ZFHX4: variants seen among roughly 807,000 people sequenced by gnomAD.
The protein encoded by ZFHX4 is zinc finger homeobox protein 4.
Under a neutral mutation model 267.6 loss-of-function variants are expected in ZFHX4, and 56 were observed. The ratio of observed to expected loss-of-function variants is 0.21; its 90% CI spans 0.17 to 0.26. The LOEUF (loss-of-function observed/expected upper bound fraction) is 0.26, where lower values mean the gene tolerates loss of function less well. Ranked by LOEUF, ZFHX4 falls within the 10% of genes least tolerant of loss-of-function variation. The probability of loss-of-function intolerance (pLI) is 1.00; values close to 1 mark genes in which losing one functional copy is unlikely to be tolerated. For synonymous variants in ZFHX4, 1,778 were observed against 1,665.6 expected (o/e 1.07, Z -1.64); for missense variants, 4,332 against 4,420.0 (o/e 0.98, Z 0.56).
rs1214712437 is a variant in ZFHX4, at chr8:76,854,170, G to A, written c.7249G>A (p.Asp2417Asn). 6.3e-7 allele frequency: 1 copy of A among 1,592,266 alleles called. No individual in the cohort carries two copies. The highest frequency in any genetic ancestry group is 1.7e-4 in the Middle Eastern group (1 of 6,036). ...EYPAEKPKQSDPSPPSQGTKP... is the reference protein window; with the variant it reads ...EYPAEKPKQSNPSPPSQGTKP... ...TCCCGCAGAAAAGCCAAAGCAGAGT[G>A]ACCCCTCTCCCCCTTCTCAAGGCAC... The change falls in exon 10 of 11, where the codon GAC (aspartate) becomes AAC (asparagine). Residue 2417 changes from aspartate to asparagine, a missense_variant. Asp to Asn is a conservative substitution (Grantham distance 23). Around this residue, in one of 7 missense-constraint regions of ZFHX4, gnomAD observed 1,648 missense variants for 1,625.0 expected, o/e 1.01. Transcript: ENST00000651372.
chr8:76,707,250 C>G (rs1295345667), intron 2 of ZFHX4, among the ~76,000 whole-genome samples: 2 of 152,140 alleles, frequency 1.3e-5, no homozygotes, highest in East Asian at 3.9e-4. Context: ...TATCTAGGCT[C>G]TTAAATTGAA....
At chr8:76,722,701 C>G (rs997990535) in intron 3 of ZFHX4, among the ~76,000 whole-genome samples, 1 of 150,610 alleles carries the variant, frequency 6.6e-6, no homozygotes, top group Admixed American at 6.6e-5. Context: ...AATTGAGGTG[C>G]AAAAATAGCT....
Position 76,842,679 on chromosome 8 carries a change from G to A in ZFHX4, c.3419G>A (p.Gly1140Glu). 1 of 1,552,840 alleles carries A rather than the reference G, an allele frequency of 6.4e-7. No homozygotes were observed. The highest frequency in any genetic ancestry group is 8.7e-7 in the Non-Finnish European group (1 of 1,147,664). ...GAAGAACAAAGTGAGGAGGCAGAAGGAGCTATTAAGCCTACAGCAGTGGCC... is the reference window on the plus strand; with the variant it reads ...GAAGAACAAAGTGAGGAGGCAGAAGAAGCTATTAAGCCTACAGCAGTGGCC... ...TSEEQSEEAE[G>E]AIKPTAVAED... Residue 1140 changes from glycine (G) to glutamate (E), a missense_variant, in exon 6 of 11, where the codon GGA (glycine) becomes GAA (glutamate). This residue lies in a region of ZFHX4 where 1,371 missense variants were observed against 1,423.1 expected (regional missense o/e 0.96). Coordinates refer to ENST00000651372, the MANE Select transcript of ZFHX4 (RefSeq NM_024721.5).
At chr8:76,762,635 G>A (rs1004014708) in intron 3 of ZFHX4, among the ~76,000 whole-genome samples, 7 of 152,152 alleles carry the variant, frequency 4.6e-5, no homozygotes, top group Middle Eastern at 6.8e-3. Context: ...TACACTACTC[G>A]TCACAGTTCA....
chr8:76,857,363 T>C (rs1024130502), intron 10 of ZFHX4, among the ~76,000 whole-genome samples: 2 of 75,996 alleles, frequency 2.6e-5, no homozygotes, highest in African/African-American at 8.9e-5. Flanking sequence ...TTTATATATA[T>C]ATATATATAT....
chr8:76,738,462 G>A (rs958757681), intron 3 of ZFHX4, among the ~76,000 whole-genome samples: 30 of 152,232 alleles, frequency 2.0e-4, no homozygotes, highest in African/African-American at 4.8e-4. Context: ...TGTAACTACC[G>A]TAACATTTCT....
At chr8:76,737,277 A>G (rs1039163182) in intron 3 of ZFHX4, among the ~76,000 whole-genome samples, 1 of 152,182 alleles carries the variant, frequency 6.6e-6, no homozygotes, top group Admixed American at 6.5e-5. Flanking sequence ...TTTTTAAAAA[A>G]TATTTCGACT....
chr8:76,776,261 C>T (rs1318809766), intron 3 of ZFHX4, among the ~76,000 whole-genome samples: 1 of 151,702 alleles, frequency 6.6e-6, no homozygotes, highest in South Asian at 2.1e-4. Context: ...AATGGTTACA[C>T]GATTTACATG....
chr8:76,862,978 T>C lies in ZFHX4; in HGVS notation c.9380-116T>C, dbSNP rs556860094. On this transcript the variant is annotated intron_variant, in intron 10 of 10. Coordinates refer to ENST00000651372, the MANE Select transcript of ZFHX4 (RefSeq NM_024721.5). ...ATCATGAATTTCCTATTGTGTGTAA[T>C]ACATCTTTTCTGATATAGCAATGTC... 2.2e-6 allele frequency: 3 copies of C among 1,387,878 alleles called. No homozygotes were observed. The African/African-American group carries it at 4.3e-5, about 20-fold the overall frequency. The allele number at this position is 1,387,878 out of a possible 1,614,324, so 86.0% of individuals were successfully genotyped here. A position where few individuals can be genotyped will look rare whatever the true frequency, so the allele number is the denominator to read the frequency against.
intron 3 of ZFHX4, among the ~76,000 whole-genome samples, chr8:76,756,897 G>T (rs913601706): frequency 6.6e-6 from 1 of 151,936 alleles, no homozygotes; most frequent in Admixed American, 6.6e-5. Context: ...TTTTAAAAAA[G>T]GTTATTGTGT....
rs781097505 is a variant in ZFHX4 at position 76,853,376 on chromosome 8, A to T, written c.6455A>T (p.Asn2152Ile). The change falls in exon 10 of 11, where the codon AAT (asparagine) becomes ATT (isoleucine). Residue 2152 changes from asparagine (N) to isoleucine (I), a missense_variant. This residue lies in a region of ZFHX4 where 48 missense variants were observed against 95.4 expected (regional missense o/e 0.50). Coordinates refer to ENST00000651372, the MANE Select transcript of ZFHX4 (RefSeq NM_024721.5). ...CTGAGGGCTTATTTTGACATTAATA[A>T]TTCTCCAAGTGAAGAACAGATCCAG... ...KILRAYFDIN[N>I]SPSEEQIQEM... 1 of 1,613,860 alleles carries T rather than the reference A, an allele frequency of 6.2e-7. No individual in the cohort carries two copies. The highest frequency in any genetic ancestry group is 1.1e-5 in the South Asian group (1 of 91,086).
intron 1 of ZFHX4, among the ~76,000 whole-genome samples, chr8:76,685,338 T>C (rs765118913): frequency 1.3e-5 from 2 of 152,198 alleles, no homozygotes; most frequent in Non-Finnish European, 2.9e-5. Context: ...TCTACCTCAA[T>C]AAGTCTCAAG....
intron 3 of ZFHX4, among the ~76,000 whole-genome samples, chr8:76,769,440 C>A (rs1316842735): frequency 6.6e-6 from 1 of 151,954 alleles, no homozygotes; most frequent in Non-Finnish European, 1.5e-5. Flanking sequence ...GCCTTGACCT[C>A]CCAGGCTTAA....
chr8:76,796,226 A>T (rs1419249245), intron 4 of ZFHX4, among the ~76,000 whole-genome samples: 3 of 152,174 alleles, frequency 2.0e-5, no homozygotes, highest in Non-Finnish European at 4.4e-5. Flanking sequence ...AAATTACATG[A>T]CTTTACACAG....
At chr8:76,712,194 AC>A (rs1233354820) in intron 3 of ZFHX4, among the ~76,000 whole-genome samples, 1 of 152,170 alleles carries the variant, frequency 6.6e-6, no homozygotes, top group Non-Finnish European at 1.5e-5. Context: ...GTCCTAGGTA[AC>A]TTTTAGTGTA....
chr8:76,701,469 AT>A (rs1808101388), intron 1 of ZFHX4, among the ~76,000 whole-genome samples: 1 of 152,182 alleles, frequency 6.6e-6, no homozygotes, highest in Admixed American at 6.6e-5. Flanking sequence ...AATTTTTTAT[AT>A]AGCAATAATG....
At chr8:76,717,407 T>G (rs560265552) in intron 3 of ZFHX4, among the ~76,000 whole-genome samples, 3 of 152,282 alleles carry the variant, frequency 2.0e-5, no homozygotes, top group Admixed American at 6.5e-5. Flanking sequence ...CTTGCCTCCC[T>G]GAATCTGGGT....
In ZFHX4 at chr8:76,704,246, C is replaced by T. The variant is rs780029176; in HGVS notation, c.158C>T (p.Thr53Met). Reference protein sequence around the residue: ...ENSSTDDNLKTDERKSEALLG... With the variant: ...ENSSTDDNLKMDERKSEALLG... Reference sequence around the variant, plus strand: ...AGCTCCACAGATGACAACCTGAAAACGGATGAGCGCAAAAGTGAAGCCTTG... The same window carrying T: ...AGCTCCACAGATGACAACCTGAAAATGGATGAGCGCAAAAGTGAAGCCTTG... Residue 53 changes from threonine to methionine, a missense_variant, in exon 2 of 11, where the codon ACG (threonine) becomes ATG (methionine). Transcript: ENST00000651372. 5.0e-6 allele frequency: 8 copies of T among 1,613,866 alleles called. No individual in the cohort carries two copies. The African/African-American group carries it at 6.7e-5, about 13-fold the overall frequency.
intron 3 of ZFHX4, among the ~76,000 whole-genome samples, chr8:76,772,933 C>A (rs1810305436): frequency 1.3e-5 from 2 of 152,086 alleles, no homozygotes; most frequent in Admixed American, 1.3e-4. Context: ...GAAAGTGGTA[C>A]CCAGAGGTGC....
Sources: gnomAD v4.1 joint callset for allele counts (sites outside exome capture counted in the v4.1 genomes callset) on GRCh38, gnomAD v4.1.1 for gene constraint, gnomAD v4.1.1 regional missense constraint, MANE v1.5 for transcripts, NCBI Gene and HGNC (gene_info 2026-07-23, HGNC 2026-07-21) for gene names.